Variants in PTPRD observed in about 807,000 individuals in gnomAD.
PTPRD encodes protein tyrosine phosphatase receptor type D.
Under a neutral mutation model 214.5 loss-of-function variants are expected in PTPRD, and 34 were observed. The observed-to-expected ratio is 0.16, with a 90% CI of 0.12 to 0.21. The LOEUF (loss-of-function observed/expected upper bound fraction) is 0.21. PTPRD is among the 10% of genes least tolerant of loss of function. The pLI, the probability that PTPRD is intolerant of heterozygous loss-of-function variation, is 1.00. For synonymous variants in PTPRD, 1,128 were observed against 845.7 expected (o/e 1.33, Z -5.79); for missense variants, 2,545 against 2,398.7 (o/e 1.06, Z -1.27).
chr9:9,544,115 TA>T (rs1467696757), intron 8 of PTPRD, among the ~76,000 whole-genome samples: 1 of 151,630 alleles, frequency 6.6e-6, no homozygotes, highest in Non-Finnish European at 1.5e-5. Flanking sequence ...GAATTAAACT[TA>T]AGGATAAATG....
At chr9:10,175,399 C>T (rs2099241764) in intron 3 of PTPRD, among the ~76,000 whole-genome samples, 1 of 151,894 alleles carries the variant, frequency 6.6e-6, no homozygotes, top group Non-Finnish European at 1.5e-5. Flanking sequence ...ACAAGCAAAT[C>T]AATTATTTAT....
chr9:8,491,142 A>G (rs975090491), intron 27 of PTPRD, among the ~76,000 whole-genome samples: 3 of 152,238 alleles, frequency 2.0e-5, no homozygotes, highest in Non-Finnish European at 4.4e-5. Context: ...TGCAGTGGGG[A>G]GGTCTTACAA....
intron 5 of PTPRD, among the ~76,000 whole-genome samples, chr9:9,887,468 C>G (rs1216415398): frequency 1.3e-5 from 2 of 152,102 alleles, no homozygotes; most frequent in Non-Finnish European, 2.9e-5. Context: ...ATGCATAATA[C>G]TTGTGTAGGA....
chr9:10,301,376 A>T (rs2154407036), intron 3 of PTPRD, among the ~76,000 whole-genome samples: 1 of 152,318 alleles, frequency 6.6e-6, no homozygotes, highest in Middle Eastern at 3.4e-3. Context: ...AAGAGATTAC[A>T]GCTCCTCACC....
intron 2 of PTPRD, among the ~76,000 whole-genome samples, chr9:10,587,305 A>G (rs370133466): frequency 6.6e-6 from 1 of 152,098 alleles, no homozygotes; most frequent in East Asian, 1.9e-4. Flanking sequence ...TCACAAAACT[A>G]TCGTCTGGAT....
intron 37 of PTPRD, among the ~76,000 whole-genome samples, chr9:8,380,820 T>C (rs1342921837): frequency 6.6e-6 from 1 of 152,166 alleles, no homozygotes; most frequent in Non-Finnish European, 1.5e-5. Context: ...GCTCAGCATA[T>C]TGTAGGCACT....
intron 3 of PTPRD, among the ~76,000 whole-genome samples, chr9:10,042,273 T>C (rs913214963): frequency 6.6e-6 from 1 of 151,956 alleles, no homozygotes; most frequent in East Asian, 1.9e-4. Flanking sequence ...CATACTATTA[T>C]GCAGTTCTGA....
chr9:8,451,952 A>G (rs879342950), intron 33 of PTPRD: 27 of 470,470 alleles, frequency 5.7e-5, no homozygotes, highest in Non-Finnish European at 1.1e-4. Context: ...GGGGTGAGTG[A>G]CACTGAGCTG....
At chr9:8,594,373 G>A (rs562199607) in intron 14 of PTPRD, among the ~76,000 whole-genome samples, 33 of 152,254 alleles carry the variant, frequency 2.2e-4, no homozygotes, top group African/African-American at 6.0e-4. Context: ...GATCTCCTAA[G>A]AATCTGTAAT....
Position 10,139,454 on chromosome 9 carries a change from G to A in PTPRD, c.-544-105664C>T, listed in dbSNP as rs1202060841. Among the ~76,000 whole-genome samples the A allele has an allele frequency of 2.6e-5, 4 of 151,702 alleles. No individual in the cohort carries two copies. In the East Asian group the frequency reaches 5.8e-4, roughly 22 times the overall value. ...TATTAAAATGCCCATACTTCCCAAAGCAATTTAAAGATTCAATGGTATTCC... is the reference window on the plus strand; with the variant it reads ...TATTAAAATGCCCATACTTCCCAAAACAATTTAAAGATTCAATGGTATTCC... On this transcript the variant is annotated intron_variant, in intron 3 of 45. Coordinates refer to ENST00000381196, the MANE Select transcript of PTPRD (RefSeq NM_002839.4).
At chr9:10,023,099 A>G (rs1470789368) in intron 4 of PTPRD, among the ~76,000 whole-genome samples, 3 of 152,156 alleles carry the variant, frequency 2.0e-5, no homozygotes, top group South Asian at 2.1e-4. Flanking sequence ...TGAAAGGAAG[A>G]TTTTTGACAC....
At chr9:8,402,462 T>C (rs565669972) in intron 36 of PTPRD, among the ~76,000 whole-genome samples, 6 of 152,324 alleles carry the variant, frequency 3.9e-5, no homozygotes, top group South Asian at 2.1e-4. Flanking sequence ...GTGGTAGTTA[T>C]TGAATGACCT....
intron 5 of PTPRD, among the ~76,000 whole-genome samples, chr9:9,784,823 G>T (rs1409322288): frequency 6.9e-6 from 1 of 145,872 alleles, no homozygotes; most frequent in Non-Finnish European, 1.5e-5. Context: ...ACATATATTA[G>T]ATATATGTAT....
intron 2 of PTPRD, among the ~76,000 whole-genome samples, chr9:10,498,309 G>C (rs774350637): frequency 6.6e-6 from 1 of 151,940 alleles, no homozygotes; most frequent in Non-Finnish European, 1.5e-5. Flanking sequence ...AGTTACAGGA[G>C]AGAAAAGGTT....
intron 9 of PTPRD, among the ~76,000 whole-genome samples, chr9:9,246,172 C>G (rs114330451): frequency 3.0e-4 from 45 of 152,154 alleles, no homozygotes; most frequent in African/African-American, 1.0e-3. Context: ...TTATTAGACT[C>G]TAGCTCATTG....
intron 12 of PTPRD, among the ~76,000 whole-genome samples, chr9:8,645,996 A>G (rs1187735749): frequency 2.0e-5 from 3 of 151,516 alleles, no homozygotes; most frequent in African/African-American, 7.3e-5. Flanking sequence ...TCTTTTTTGT[A>G]CCCAAAAACA....
In PTPRD at chr9:8,317,355, C is replaced by G. The variant is rs1231814153; in HGVS notation, c.*519G>C. 2 of 232,484 alleles carry G rather than the reference C, an allele frequency of 8.6e-6. No individual in the cohort carries two copies. The highest frequency in any genetic ancestry group is 1.7e-5 in the Non-Finnish European group (2 of 117,404). The allele number at this position is 232,484 out of a possible 1,614,324, so 14.4% of individuals were successfully genotyped here. ...GAAATGAAGCACAGGTCAGCAGTAT[C>G]TTTACAATACTAAAAAACTAAATCA... On this transcript the variant is annotated 3_prime_UTR_variant, in exon 46 of 46. Coordinates refer to ENST00000381196, the MANE Select transcript of PTPRD (RefSeq NM_002839.4).
At chr9:9,026,733 T>C (rs1426387794) in intron 10 of PTPRD, among the ~76,000 whole-genome samples, 1 of 151,964 alleles carries the variant, frequency 6.6e-6, no homozygotes. Context: ...AGTAGCTTTA[T>C]GTAGGGATTA....
intron 2 of PTPRD, among the ~76,000 whole-genome samples, chr9:10,609,412 G>A (rs1591940109): frequency 6.6e-6 from 1 of 152,014 alleles, no homozygotes; most frequent in African/African-American, 2.4e-5. Context: ...TCCAGTTTTA[G>A]AATTGTAAAG....
Sources: gnomAD v4.1 joint callset for allele counts (sites outside exome capture counted in the v4.1 genomes callset) on GRCh38, gnomAD v4.1.1 for gene constraint, MANE v1.5 for transcripts, NCBI Gene and HGNC (gene_info 2026-07-23, HGNC 2026-07-21) for gene names.